The following CPNE5 variants were observed in gnomAD, a reference collection of about 807,000 sequenced individuals.
CPNE5 encodes copine 5.
Under a neutral mutation model 81.1 loss-of-function variants are expected in CPNE5, and 42 were observed. The observed-to-expected ratio is 0.52, with a 90% CI of 0.40 to 0.67. CPNE5 has a LOEUF of 0.67. Ranked by LOEUF, CPNE5 falls within the 30% of genes least tolerant of loss-of-function variation. The pLI, the probability that CPNE5 is intolerant of heterozygous loss-of-function variation, is 0.00. For synonymous variants in CPNE5, 313 were observed against 321.5 expected (o/e 0.97, Z 0.28); for missense variants, 612 against 815.5 (o/e 0.75, Z 3.04).
chr6:36,747,028 C>G (rs750567058), intron 15 of CPNE5, among the ~76,000 whole-genome samples: 18 of 152,138 alleles, frequency 1.2e-4, no homozygotes, highest in Non-Finnish European at 2.4e-4. Context: ...TGTCACTCGC[C>G]AGTCCCAGCC....
At chr6:36,835,482 C>T (rs945307149) in intron 1 of CPNE5, among the ~76,000 whole-genome samples, 1 of 152,166 alleles carries the variant, frequency 6.6e-6, no homozygotes, top group East Asian at 1.9e-4. Context: ...GCCCTACTCA[C>T]TTCCAAAACA....
In CPNE5 at chr6:36,792,468, G is replaced by C. The variant is rs760530380; in HGVS notation, c.465-372C>G. 3.6e-5 allele frequency: 43 copies of C among 1,183,228 alleles called. 1 individual carries two copies. The South Asian group carries it at 5.1e-4, about 14-fold the overall frequency. The allele number at this position is 1,183,228 out of a possible 1,614,324, so 73.3% of individuals were successfully genotyped here. On this transcript the variant is annotated intron_variant, in intron 7 of 20. Transcript: ENST00000244751. ...ACTTCTGTGGGCAAAAGACCTCATG[G>C]GCTAGCCACCCCACCTCACACCCAG...
intron 1 of CPNE5, among the ~76,000 whole-genome samples, chr6:36,831,318 G>A (rs1187616705): frequency 6.6e-6 from 1 of 151,666 alleles, no homozygotes; most frequent in African/African-American, 2.4e-5. Flanking sequence ...GCCTCTCAAA[G>A]TGCTGGGATT....
In CPNE5 at chr6:36,823,729, G is replaced by A. The variant is rs186340616; in HGVS notation, c.96-631C>T. Among the ~76,000 whole-genome samples, 255 of 152,308 alleles carry A rather than the reference G, an allele frequency of 1.7e-3. 4 individuals are homozygous for A. Among genetic ancestry groups the A allele is most frequent in the Non-Finnish European group, 2.9e-4 (20 of 68,020 alleles). On this transcript the variant is annotated intron_variant, in intron 1 of 20. Transcript: ENST00000244751. ...GGGACAGAACGGTCTTTCAACAGGT[G>A]CTAAGCTCCCCTTGTCCTGCCTCCA...
At chr6:36,827,539 CAT>C (rs1467370686) in intron 1 of CPNE5, 1 of 985,434 alleles carries the variant, frequency 1.0e-6, no homozygotes, top group Non-Finnish European at 1.2e-6. Context: ...CCAAATACCA[CAT>C]GTTGAGACAC....
chr6:36,800,525 G>A (rs988674916), intron 3 of CPNE5, among the ~76,000 whole-genome samples: 1 of 152,162 alleles, frequency 6.6e-6, no homozygotes, highest in Non-Finnish European at 1.5e-5. Context: ...TCCACAATTA[G>A]GTGTGTACTT....
intron 7 of CPNE5, among the ~76,000 whole-genome samples, chr6:36,794,185 A>G (rs1174008743): frequency 1.4e-5 from 2 of 142,574 alleles, no homozygotes; most frequent in Non-Finnish European, 3.0e-5. Context: ...GGGGGAAAGG[A>G]TAAAGACAGG....
At chr6:36,838,798 G>A (rs954530660) in intron 1 of CPNE5, 27 of 975,290 alleles carry the variant, frequency 2.8e-5, no homozygotes, top group Non-Finnish European at 4.9e-6. Flanking sequence ...ACAGTGGGGT[G>A]GGGGAGACTG....
chr6:36,806,355 G>C (rs1340704464), intron 3 of CPNE5, among the ~76,000 whole-genome samples: 1 of 152,158 alleles, frequency 6.6e-6, no homozygotes, highest in Non-Finnish European at 1.5e-5. Flanking sequence ...ACAGAGGTTG[G>C]GGTATTTCTT....
chr6:36,773,276 C>G (rs6927504), intron 10 of CPNE5, among the ~76,000 whole-genome samples: 96,186 of 151,984 alleles, frequency 0.63, 30,581 homozygotes, highest in Non-Finnish European at 0.67. Flanking sequence ...CCCCCTACCA[C>G]CTCACCCACC....
chr6:36,756,956 C>T (rs529759775), intron 12 of CPNE5, among the ~76,000 whole-genome samples: 40 of 152,322 alleles, frequency 2.6e-4, no homozygotes, highest in Admixed American at 7.2e-4. Context: ...CCCCCAGGAA[C>T]GTTTGGTAAC....
intron 3 of CPNE5, among the ~76,000 whole-genome samples, chr6:36,804,724 T>A (rs935100997): frequency 4.8e-5 from 7 of 146,686 alleles, no homozygotes; most frequent in African/African-American, 1.7e-4. Flanking sequence ...CAAGGCTGCT[T>A]TTAAAATGGC....
At chr6:36,770,203 C>G (rs975352375) in intron 10 of CPNE5, among the ~76,000 whole-genome samples, 74 of 152,148 alleles carry the variant, frequency 4.9e-4, no homozygotes, top group African/African-American at 1.7e-3. Context: ...CTTGTGTGGA[C>G]TGGACACATA....
intron 8 of CPNE5, among the ~76,000 whole-genome samples, chr6:36,784,039 C>A (rs970766196): frequency 6.6e-6 from 1 of 152,170 alleles, no homozygotes; most frequent in Non-Finnish European, 1.5e-5. Context: ...TTTAGAAAGG[C>A]CTCTGTGCAA....
intron 11 of CPNE5, 127 bp downstream of exon 11, chr6:36,765,208 C>A: frequency 1.0e-6 from 1 of 954,198 alleles, no homozygotes; most frequent in African/African-American, 1.6e-5. Flanking sequence ...ACACGCAAAC[C>A]CAGGCTCCCT....
Position 36,839,040 on chromosome 6 carries a change from C to T in CPNE5, c.95+243G>A, listed in dbSNP as rs547032035. Among the ~76,000 whole-genome samples the T allele has an allele frequency of 6.6e-6, 1 of 152,334 alleles. No individual in the cohort carries two copies. Among genetic ancestry groups the T allele is most frequent in the South Asian group, 2.1e-4 (1 of 4,830 alleles). On this transcript the variant is annotated intron_variant, in intron 1 of 20. Transcript: ENST00000244751. This position sits in a 1 kb window ranked among gnomAD's most constrained non-coding sequence, Gnocchi z 7.3. Reference sequence around the variant, plus strand: ...CCCCTGTTCCTGTGTCTTCATATCTCCTCGATGCAACAGCCTGGAGCGCAA... The same window carrying T: ...CCCCTGTTCCTGTGTCTTCATATCTTCTCGATGCAACAGCCTGGAGCGCAA...
intron 1 of CPNE5, chr6:36,827,222 C>T (rs145299233): frequency 5.8e-5 from 34 of 584,434 alleles, no homozygotes; most frequent in African/African-American, 1.8e-4. Flanking sequence ...TATGTCCCTG[C>T]GCCCTACACC....
At chr6:36,798,888 A>T (rs529737416) in intron 4 of CPNE5, among the ~76,000 whole-genome samples, 1 of 152,280 alleles carries the variant, frequency 6.6e-6, no homozygotes, top group South Asian at 2.1e-4. Flanking sequence ...TTTGCAGCCT[A>T]GCCTTGGCTG....
intron 11 of CPNE5, among the ~76,000 whole-genome samples, chr6:36,763,900 GCCCACACCTT>G (rs1363237098): frequency 1.3e-5 from 2 of 152,112 alleles, no homozygotes; most frequent in Non-Finnish European, 2.9e-5. Context: ...TTTCTGCAGT[GCCCACACCTT>G]CTGGAGTGCT....
Sources: allele counts gnomAD v4.1 joint callset (sites outside exome capture counted in the v4.1 genomes callset), GRCh38; gene constraint gnomAD v4.1.1; non-coding constraint Gnocchi (gnomAD v3.1); transcripts MANE v1.5; gene names NCBI Gene and HGNC (gene_info 2026-07-23, HGNC 2026-07-21).